Variants in NEK1 observed in about 807,000 individuals in gnomAD.
NEK1 encodes NIMA related kinase 1.
NEK1 carries 137 observed loss-of-function variants against 182.1 expected under a neutral mutation model. The observed-to-expected ratio is 0.75, with a 90% CI of 0.65 to 0.87. The LOEUF (loss-of-function observed/expected upper bound fraction) is 0.87. Among genes scored for constraint, NEK1 ranks in the 40% least tolerant of loss-of-function variants. The probability of loss-of-function intolerance (pLI) is 0.00; values close to 1 mark genes in which losing one functional copy is unlikely to be tolerated. For synonymous variants in NEK1, 513 were observed against 492.2 expected (o/e 1.04, Z -0.56); for missense variants, 1,391 against 1,494.4 (o/e 0.93, Z 1.14).
At chr4:169,532,972 GA>G (rs556996732) in intron 19 of NEK1, among the ~76,000 whole-genome samples, 1 of 149,462 alleles carries the variant, frequency 6.7e-6, no homozygotes, top group Non-Finnish European at 1.5e-5. Flanking sequence ...GGAACTAAAA[GA>G]AAAAAAAAGA....
chr4:169,509,126 C>CTTGT (rs138008268), intron 19 of NEK1, among the ~76,000 whole-genome samples: 2 of 151,948 alleles, frequency 1.3e-5, no homozygotes, highest in Non-Finnish European at 2.9e-5. Context: ...TTTTTGTTTG[C>CTTGT]TTGTTTGTTT....
rs149238970 is a variant in NEK1 at position 169,510,322 on chromosome 4, T to C, written c.1666-1470A>G. Among the ~76,000 whole-genome samples, 321 of 152,276 alleles carry C rather than the reference T, an allele frequency of 2.1e-3. 4 individuals carry two copies. Among genetic ancestry groups the C allele is most frequent in the South Asian group, 2.1e-3 (10 of 4,828 alleles). On this transcript the variant is annotated intron_variant, in intron 19 of 35. Transcript: ENST00000507142. The stretch of plus-strand genomic sequence containing the variant: ...TACGCAGCAAAGCTACCTCAATTTA[T>C]AAACCTGACTTTATCCTTCTTTTTA...
In NEK1 at chr4:169,508,319, T is replaced by TTGCC; in HGVS notation, c.1758_1761dup (p.Arg588GlyfsTer13). On this transcript the variant is annotated frameshift_variant, in exon 21 of 36. Coordinates refer to ENST00000507142, the MANE Select transcript of NEK1 (RefSeq NM_001199397.3). LOFTEE classifies it high-confidence loss of function. The stretch of plus-strand genomic sequence containing the variant: ...TTCTGTAGTCTTATTTGCCTCAGTC[T>TTGCC]TGCCAGATAAACCTACAAGGAGGCA... 1.3e-6 allele frequency: 2 copies of TTGCC among 1,577,318 alleles called. No homozygotes were observed. Among genetic ancestry groups the TTGCC allele is most frequent in the Non-Finnish European group, 1.7e-6 (2 of 1,161,592 alleles).
At chr4:169,493,857 G>C (rs1750591997) in intron 23 of NEK1, among the ~76,000 whole-genome samples, 1 of 152,186 alleles carries the variant, frequency 6.6e-6, no homozygotes, top group Admixed American at 6.5e-5. Flanking sequence ...AAGGAAACTG[G>C]AAAACATATT....
chr4:169,559,958 G>C (rs1172926938), intron 16 of NEK1, among the ~76,000 whole-genome samples: 3 of 152,166 alleles, frequency 2.0e-5, no homozygotes, highest in Admixed American at 2.0e-4. Flanking sequence ...GCAGTGAGCT[G>C]AGATCGTGCC....
At chr4:169,395,514 C>T (rs926026462) in intron 35 of NEK1, among the ~76,000 whole-genome samples, 1 of 152,190 alleles carries the variant, frequency 6.6e-6, no homozygotes, top group African/African-American at 2.4e-5. Flanking sequence ...TTGATGTCCT[C>T]TCCCCTAGGA....
At chr4:169,465,749 C>A (rs536539903) in intron 26 of NEK1, among the ~76,000 whole-genome samples, 1 of 152,046 alleles carries the variant, frequency 6.6e-6, no homozygotes, top group Non-Finnish European at 1.5e-5. Context: ...ATTAGCAGTA[C>A]GCTAATGCAC....
In NEK1 at chr4:169,438,122, A is replaced by G. The variant is rs768015432; in HGVS notation, c.2725T>C (p.Ser909Pro). 1.2e-6 allele frequency: 2 copies of G among 1,612,496 alleles called. No individual in the cohort carries two copies. Among genetic ancestry groups the G allele is most frequent in the Non-Finnish European group, 8.5e-7 (1 of 1,179,288 alleles). ...TCCAGTTTCAATGACATCTGTGGAG[A>G]TGCCTCACTGAACTCGGGACTTTTT... is the stretch of plus-strand genomic sequence containing the variant. ...ETKSPEFSEASPQMSLKLEGN... is the reference protein window; with the variant it reads ...ETKSPEFSEAPPQMSLKLEGN... The change falls in exon 28 of 36, where the codon TCT (serine) becomes CCT (proline). Residue 909 changes from serine to proline, a missense_variant. Around this residue, in one of 5 missense-constraint regions of NEK1, gnomAD observed 1,216 missense variants for 1,277.6 expected, o/e 0.95. Coordinates refer to ENST00000507142, the MANE Select transcript of NEK1 (RefSeq NM_001199397.3).
chr4:169,482,310 TG>T (rs1006270092), intron 23 of NEK1, among the ~76,000 whole-genome samples: 28 of 152,132 alleles, frequency 1.8e-4, no homozygotes, highest in African/African-American at 6.3e-4. Flanking sequence ...TTCTAAGAGA[TG>T]GGGTCTTGCT....
intron 26 of NEK1, among the ~76,000 whole-genome samples, chr4:169,471,238 T>G (rs1402262084): frequency 6.6e-6 from 1 of 152,168 alleles, no homozygotes; most frequent in African/African-American, 2.4e-5. Flanking sequence ...TTTGCGTTGG[T>G]TTTTCCTCAT....
At chr4:169,398,602 T>C (rs769073694) in intron 35 of NEK1, among the ~76,000 whole-genome samples, 7 of 152,204 alleles carry the variant, frequency 4.6e-5, no homozygotes, top group Non-Finnish European at 8.8e-5. Flanking sequence ...TGTGGAAACC[T>C]TTTGAACATG....
intron 28 of NEK1, among the ~76,000 whole-genome samples, chr4:169,433,945 T>C (rs1032064279): frequency 2.0e-5 from 3 of 152,190 alleles, no homozygotes; most frequent in African/African-American, 7.2e-5. Context: ...TAAAATTTTC[T>C]CTTCAATTAA....
At chr4:169,467,562 T>C (rs377558420) in intron 26 of NEK1, among the ~76,000 whole-genome samples, 1 of 152,036 alleles carries the variant, frequency 6.6e-6, no homozygotes, top group Non-Finnish European at 1.5e-5. Context: ...AAAGCATAGA[T>C]GAGGCAAACA....
chr4:169,459,825 A>C (rs1047460914), intron 27 of NEK1, among the ~76,000 whole-genome samples: 15 of 152,332 alleles, frequency 9.8e-5, no homozygotes, highest in African/African-American at 3.6e-4. Context: ...CATTCTGGAA[A>C]AGACAAAACT....
intron 12 of NEK1, among the ~76,000 whole-genome samples, chr4:169,566,953 G>A (rs1055125686): frequency 6.6e-6 from 1 of 151,954 alleles, no homozygotes; most frequent in African/African-American, 2.4e-5. Context: ...AAAATAGCTG[G>A]GTGTGGTAGT....
intron 2 of NEK1, among the ~76,000 whole-genome samples, chr4:169,603,511 A>C (rs1351007439): frequency 6.6e-6 from 1 of 152,206 alleles, no homozygotes; most frequent in African/African-American, 2.4e-5. Flanking sequence ...ACCATAGTAC[A>C]TATTTACAGA....
At chr4:169,464,088 T>C (rs1744481096) in intron 26 of NEK1, among the ~76,000 whole-genome samples, 1 of 152,128 alleles carries the variant, frequency 6.6e-6, no homozygotes, top group South Asian at 2.1e-4. Flanking sequence ...CCCTCTATGG[T>C]TGTTTGGCAT....
intron 23 of NEK1, among the ~76,000 whole-genome samples, chr4:169,499,171 C>T (rs1162682678): frequency 6.6e-6 from 1 of 152,198 alleles, no homozygotes; most frequent in South Asian, 2.1e-4. Flanking sequence ...ATCACTGATA[C>T]CCCTTCTTCC....
chr4:169,452,671 A>T (rs569555749), intron 27 of NEK1, among the ~76,000 whole-genome samples: 2 of 152,188 alleles, frequency 1.3e-5, no homozygotes, highest in Non-Finnish European at 2.9e-5. Context: ...TCTCAAAATA[A>T]TAAGAACTAT....
Sources: gnomAD v4.1 joint callset for allele counts (sites outside exome capture counted in the v4.1 genomes callset) on GRCh38, gnomAD v4.1.1 for gene constraint, gnomAD v4.1.1 regional missense constraint, MANE v1.5 for transcripts, NCBI Gene and HGNC (gene_info 2026-07-23, HGNC 2026-07-21) for gene names.